MSRA: variants seen among roughly 807,000 people sequenced by gnomAD.
The protein encoded by MSRA is methionine sulfoxide reductase A.
MSRA carries 54 observed loss-of-function variants against 31.3 expected under a neutral mutation model. The ratio of observed to expected loss-of-function variants is 1.73; its 90% CI spans 1.39 to 2.17. The LOEUF is 2.17. MSRA is among the 30% of genes most tolerant of loss of function. The probability of loss-of-function intolerance (pLI) is 0.00; values close to 1 mark genes in which losing one functional copy is unlikely to be tolerated. For synonymous variants in MSRA, 169 were observed against 116.5 expected (o/e 1.45, Z -2.90); for missense variants, 507 against 300.9 (o/e 1.69, Z -5.07).
chr8:10,182,853 C>T (rs1161551344), intron 1 of MSRA, among the ~76,000 whole-genome samples: 1 of 152,180 alleles, frequency 6.6e-6, no homozygotes, highest in African/African-American at 2.4e-5. Context: ...AAGCGGCTGT[C>T]CTCAGTGTTG....
intron 1 of MSRA, among the ~76,000 whole-genome samples, chr8:10,119,539 C>G (rs142277104): frequency 6.6e-6 from 1 of 152,180 alleles, no homozygotes; most frequent in Non-Finnish European, 1.5e-5. Flanking sequence ...GTATTTGGTT[C>G]GCTGATCAGC....
chr8:10,318,168 G>C (rs1436010663), intron 4 of MSRA, among the ~76,000 whole-genome samples: 1 of 152,216 alleles, frequency 6.6e-6, no homozygotes, highest in East Asian at 1.9e-4. Context: ...AAGGGCTTTG[G>C]TGTCGGGGCC....
chr8:10,064,985 C>T (rs543984534), intron 1 of MSRA, among the ~76,000 whole-genome samples: 4 of 152,058 alleles, frequency 2.6e-5, no homozygotes, highest in Non-Finnish European at 4.4e-5. Context: ...TAAGAGTTTG[C>T]AGAATGGAAT....
intron 2 of MSRA, among the ~76,000 whole-genome samples, chr8:10,218,114 CTATTTATTTATTTATTTATTTATT>C (rs371596796): frequency 7.2e-5 from 10 of 138,798 alleles, no homozygotes; most frequent in East Asian, 2.1e-4. Context: ...GGTTCCTTTT[CTATTTATTTATTTATTTATTTATT>C]TATTTATTTA....
chr8:10,094,597 AATCAAGGACTAGAAGT>A (rs1408925065), intron 1 of MSRA, among the ~76,000 whole-genome samples: 3 of 152,244 alleles, frequency 2.0e-5, no homozygotes, highest in African/African-American at 7.2e-5. Flanking sequence ...AACGTGGCAG[AATCAAGGACTAGAAGT>A]CACTTTTCTG....
chr8:10,203,047 T>C (rs1410031690), intron 1 of MSRA, among the ~76,000 whole-genome samples: 2 of 152,038 alleles, frequency 1.3e-5, no homozygotes, highest in Admixed American at 6.5e-5. Context: ...GACTCAGCTG[T>C]ATTTCAGTAG....
intron 1 of MSRA, among the ~76,000 whole-genome samples, chr8:10,112,409 A>G (rs539157877): frequency 6.6e-6 from 1 of 152,370 alleles, no homozygotes; most frequent in African/African-American, 2.4e-5. Flanking sequence ...TTTCTAGGAA[A>G]AGCTGTTAAC....
At chr8:10,291,566 G>A (rs1366372983) in intron 3 of MSRA, among the ~76,000 whole-genome samples, 1 of 152,106 alleles carries the variant, frequency 6.6e-6, no homozygotes, top group South Asian at 2.1e-4. Context: ...GCAGGAGCTG[G>A]AGATGAAACC....
intron 1 of MSRA, among the ~76,000 whole-genome samples, chr8:10,089,571 T>C (rs1585122947): frequency 6.6e-6 from 1 of 152,148 alleles, no homozygotes; most frequent in East Asian, 1.9e-4. Context: ...GAGGTAGGTG[T>C]TTGTCTTAGG....
At chr8:10,122,149 G>C (rs2129018495) in intron 1 of MSRA, among the ~76,000 whole-genome samples, 1 of 152,232 alleles carries the variant, frequency 6.6e-6, no homozygotes, top group Non-Finnish European at 1.5e-5. Context: ...TGCTGCTGGT[G>C]TTGTTGTAAC....
chr8:10,136,478 T>A (rs2129028490), intron 1 of MSRA, among the ~76,000 whole-genome samples: 1 of 152,302 alleles, frequency 6.6e-6, no homozygotes, highest in South Asian at 2.1e-4. Context: ...GCCCACAAGA[T>A]TAAAAAGTGC....
chr8:10,391,659 C>T (rs1443706807), intron 5 of MSRA, among the ~76,000 whole-genome samples: 1 of 152,192 alleles, frequency 6.6e-6, no homozygotes, highest in Non-Finnish European at 1.5e-5. Flanking sequence ...TGACCTGAGG[C>T]TGAGCGTGGG....
chr8:10,094,755 A>T (rs1303930764), intron 1 of MSRA, among the ~76,000 whole-genome samples: 1 of 152,262 alleles, frequency 6.6e-6, no homozygotes, highest in Non-Finnish European at 1.5e-5. Context: ...AAAGGTGTTT[A>T]TGTTAAAAAT....
At chr8:10,089,829 C>T (rs1328997078) in intron 1 of MSRA, among the ~76,000 whole-genome samples, 1 of 152,208 alleles carries the variant, frequency 6.6e-6, no homozygotes, top group Non-Finnish European at 1.5e-5. Context: ...GGGAACGAAT[C>T]TATTCCTTTA....
At chr8:10,224,088 A>C (rs990934992) in intron 2 of MSRA, among the ~76,000 whole-genome samples, 1 of 152,172 alleles carries the variant, frequency 6.6e-6, no homozygotes, top group Non-Finnish European at 1.5e-5. Context: ...GCAGGTCTAA[A>C]TGGTGTAGAA....
At chr8:10,161,746 T>A (rs541856083) in intron 1 of MSRA, among the ~76,000 whole-genome samples, 1 of 152,040 alleles carries the variant, frequency 6.6e-6, no homozygotes, top group Non-Finnish European at 1.5e-5. Context: ...TCGGGGTGTC[T>A]GCATCTGGGC....
At chr8:10,386,806 G>C (rs1806419542) in intron 5 of MSRA, among the ~76,000 whole-genome samples, 1 of 150,866 alleles carries the variant, frequency 6.6e-6, no homozygotes, top group African/African-American at 2.4e-5. Flanking sequence ...CTGAACTAGG[G>C]ATTCCTCCTC....
chr8:10,134,156 T>C (rs913576655), intron 1 of MSRA, among the ~76,000 whole-genome samples: 3 of 152,168 alleles, frequency 2.0e-5, no homozygotes, highest in Non-Finnish European at 4.4e-5. Flanking sequence ...AAGGAATTTC[T>C]GTGGTGATAA....
intron 2 of MSRA, among the ~76,000 whole-genome samples, chr8:10,211,781 A>T (rs935304885): frequency 2.6e-5 from 4 of 152,046 alleles, no homozygotes; most frequent in African/African-American, 9.7e-5. Flanking sequence ...TCAATATCTT[A>T]ATGAAAGTGA....
Sources: allele counts gnomAD v4.1 joint callset (sites outside exome capture counted in the v4.1 genomes callset), GRCh38; gene constraint gnomAD v4.1.1; transcripts MANE v1.5; gene names NCBI Gene and HGNC (gene_info 2026-07-23, HGNC 2026-07-21).